Variants in FDFT1 observed in about 807,000 individuals in gnomAD.
FDFT1 encodes farnesyl-diphosphate farnesyltransferase 1, also known as squalene synthase.
In FDFT1, 68 loss-of-function variants were observed where a neutral mutation model predicts 46.8. That is an observed-to-expected ratio of 1.45 (90% CI 1.19 to 1.78). FDFT1 has a LOEUF of 1.78. Among genes scored for constraint, FDFT1 ranks in the 40% most tolerant of loss-of-function variants. The pLI, the probability that FDFT1 is intolerant of heterozygous loss-of-function variation, is 0.00. For synonymous variants in FDFT1, 351 were observed against 185.1 expected (o/e 1.90, Z -7.28); for missense variants, 928 against 524.4 (o/e 1.77, Z -7.52).
At chr8:11,825,206 T>C (rs1263955533) in intron 4 of FDFT1, among the ~76,000 whole-genome samples, 1 of 152,188 alleles carries the variant, frequency 6.6e-6, no homozygotes, top group African/African-American at 2.4e-5. Flanking sequence ...ATTCCATCTT[T>C]CATCGTTGCC....
chr8:11,805,337 A>AT (rs1046997114), intron 1 of FDFT1, among the ~76,000 whole-genome samples: 1 of 152,176 alleles, frequency 6.6e-6, no homozygotes, highest in African/African-American at 2.4e-5. Context: ...TTTACACTGA[A>AT]TTTTTAGGTG....
chr8:11,835,884 A>C (rs1300912989), intron 7 of FDFT1, among the ~76,000 whole-genome samples: 10 of 142,496 alleles, frequency 7.0e-5, no homozygotes, highest in African/African-American at 2.5e-4. Context: ...CTCTAATCTC[A>C]GCACTTTGGG....
At chr8:11,835,767 G>T (rs896959578) in intron 7 of FDFT1, among the ~76,000 whole-genome samples, 1 of 151,976 alleles carries the variant, frequency 6.6e-6, no homozygotes, top group Non-Finnish European at 1.5e-5. Context: ...GTGTAGTTTG[G>T]TGCTGATGTT....
intron 3 of FDFT1, among the ~76,000 whole-genome samples, chr8:11,810,314 A>T (rs1327136503): frequency 6.6e-6 from 1 of 152,312 alleles, no homozygotes; most frequent in Non-Finnish European, 1.5e-5. Context: ...GCCTACCTGT[A>T]ACACTGCTGG....
chr8:11,830,139 C>G (rs929144146), intron 5 of FDFT1, 105 bp from the exon 6 acceptor site: 8 of 970,036 alleles, frequency 8.2e-6, no homozygotes, highest in Non-Finnish European at 1.1e-5. Flanking sequence ...AGCCACGGCG[C>G]CCAGCCTGTA....
At chr8:11,802,644 C>G, upstream of FDFT1, 1 of 599,240 alleles carries the variant, frequency 1.7e-6, no homozygotes, top group South Asian at 1.9e-5. Flanking sequence ...CACGAGGCCG[C>G]AGCTAGCCCC....
intron 1 of FDFT1, among the ~76,000 whole-genome samples, chr8:11,806,820 C>T (rs993427643): frequency 1.3e-5 from 2 of 152,166 alleles, no homozygotes; most frequent in Admixed American, 6.5e-5. Flanking sequence ...GTTTTAAAAT[C>T]CTCGATGAAT....
At chr8:11,797,265 C>A (rs775634425), upstream of FDFT1, among the ~76,000 whole-genome samples, 5 of 152,184 alleles carry the variant, frequency 3.3e-5, no homozygotes, top group Non-Finnish European at 7.3e-5. Flanking sequence ...GGACTGCCTG[C>A]AGCAGCGGTT....
intron 5 of FDFT1, among the ~76,000 whole-genome samples, chr8:11,827,498 G>A (rs1810162578): frequency 6.6e-6 from 1 of 151,568 alleles, no homozygotes; most frequent in East Asian, 1.9e-4. Flanking sequence ...AGCCTCGGTG[G>A]CAGAATGAAA....
At chr8:11,809,095 C>G (rs1000082458) in intron 2 of FDFT1, 2 of 1,279,516 alleles carry the variant, frequency 1.6e-6, no homozygotes, top group Admixed American at 3.5e-5. Flanking sequence ...CGGGCCCAGC[C>G]TTTCAGAGAA....
Position 11,808,896 on chromosome 8 carries a change from G to C in FDFT1, c.197+5G>C. ...GGCGCTGGATGGGGAAATGCGGTGA[G>C]TGATGGAGGCAGCGCCTCTGGCTTG... On this transcript the variant is annotated splice_donor_5th_base_variant and intron_variant, in intron 2 of 7. Coordinates refer to ENST00000220584, the MANE Select transcript of FDFT1 (RefSeq NM_004462.5). 1 of 1,612,956 alleles carries C rather than the reference G, an allele frequency of 6.2e-7. No individual in the cohort carries two copies. Among genetic ancestry groups the C allele is most frequent in the Non-Finnish European group, 8.5e-7 (1 of 1,179,572 alleles).
At position 11,804,935 on chromosome 8, in the gene FDFT1, G is replaced by GT. The variant is rs1563294606; in HGVS notation, c.99+2005dup. On this transcript the variant is annotated intron_variant, in intron 1 of 7. Transcript: ENST00000220584. ...TTTTTTTTTTTTTTTTGAGGGGGGG[G>GT]TCTCACTCCATCGTCCAGGCTAGAA... Among the ~76,000 whole-genome samples, 3 of 144,326 alleles carry GT rather than the reference G, an allele frequency of 2.1e-5. 1 individual carries two copies. The highest frequency in any genetic ancestry group is 1.5e-5 in the Non-Finnish European group (1 of 65,812). The allele number at this position is 144,326 out of a possible 152,430, so 94.7% of individuals were successfully genotyped here.
chr8:11,806,285 C>T (rs967421403), intron 1 of FDFT1, among the ~76,000 whole-genome samples: 1 of 152,144 alleles, frequency 6.6e-6, no homozygotes, highest in Non-Finnish European at 1.5e-5. Flanking sequence ...GGGACAGGCA[C>T]CAGTAGCCTG....
chr8:11,826,374 A>G (rs1028076728), intron 5 of FDFT1, among the ~76,000 whole-genome samples, 159 bp downstream of exon 5: 12 of 152,340 alleles, frequency 7.9e-5, no homozygotes, highest in Admixed American at 7.8e-4. Context: ...AGTTTGCTTC[A>G]GGTAGACTGG....
intron 7 of FDFT1, 170 bp downstream of exon 7, chr8:11,831,840 C>G (rs1810848618): frequency 1.6e-6 from 1 of 617,310 alleles, no homozygotes; most frequent in Non-Finnish European, 2.8e-6. Flanking sequence ...TCACAGGAGC[C>G]GAGCAGATTG....
chr8:11,807,518 G>A (rs923910278), intron 1 of FDFT1, among the ~76,000 whole-genome samples: 45 of 152,128 alleles, frequency 3.0e-4, no homozygotes, highest in African/African-American at 2.4e-5. Context: ...AGACTGTGGG[G>A]TGAGGGGAGG....
intron 3 of FDFT1, among the ~76,000 whole-genome samples, chr8:11,815,713 G>C (rs536719622): frequency 6.6e-6 from 1 of 152,210 alleles, no homozygotes; most frequent in African/African-American, 2.4e-5. Flanking sequence ...CTTATTGATG[G>C]GGTTGTTGAT....
intron 2 of FDFT1, 132 bp downstream of exon 2, chr8:11,809,023 C>G (rs1469709471): frequency 3.6e-6 from 5 of 1,399,136 alleles, no homozygotes; most frequent in East Asian, 2.6e-5. Flanking sequence ...GAACATAGCC[C>G]GGCCCTACGT....
intron 2 of FDFT1, chr8:11,809,145 T>C (rs112697889): frequency 0.015 from 19,563 of 1,306,614 alleles, 691 homozygotes; most frequent in African/African-American, 0.12. Flanking sequence ...TTTTTTAGTC[T>C]TGGCAGCTGA....
Sources: gnomAD v4.1 joint callset for allele counts (sites outside exome capture counted in the v4.1 genomes callset) on GRCh38, gnomAD v4.1.1 for gene constraint, MANE v1.5 for transcripts, NCBI Gene and HGNC (gene_info 2026-07-23, HGNC 2026-07-21) for gene names.